The following NSA2 variants were observed in gnomAD, a reference collection of about 807,000 sequenced individuals.
NSA2 encodes the protein NSA2 ribosome biogenesis factor.
Under a neutral mutation model 34.8 loss-of-function variants are expected in NSA2, and 18 were observed. The ratio of observed to expected loss-of-function variants is 0.52; its 90% CI spans 0.36 to 0.77. NSA2 has a LOEUF of 0.77. NSA2 is among the 30% of genes least tolerant of loss of function. NSA2 has a pLI of 0.00. For missense variants in NSA2, 188 were observed against 314.7 expected (o/e 0.60, Z 3.05); for synonymous variants, 79 against 100.2 (o/e 0.79, Z 1.26).
At chr5:74,768,669 G>T (rs977624136) in intron 1 of NSA2, among the ~76,000 whole-genome samples, 5 of 152,192 alleles carry the variant, frequency 3.3e-5, no homozygotes, top group African/African-American at 1.2e-4. Flanking sequence ...AAAAGATACT[G>T]TAATCAGTTC....
In NSA2 at chr5:74,769,215, A is replaced by C; in HGVS notation, c.193A>C (p.Ile65Leu). Reference protein sequence around the residue: ...HAEKIQMKKTIKMHEKRNTKQ... With the variant: ...HAEKIQMKKTLKMHEKRNTKQ... ...TGAATCTTTTTTCCTTCTTGGTAGT[A>C]TCAAGATGCATGAAAAGAGAAACAC... The change falls in exon 3 of 6, where the codon ATC (isoleucine) becomes CTC (leucine). Residue 65 changes from isoleucine to leucine, a missense_variant and splice_region_variant. By Grantham distance (5) the Ile-to-Leu change is conservative. Transcript: ENST00000610426. 1 of 1,605,134 alleles carries C rather than the reference A, an allele frequency of 6.2e-7. No homozygotes were observed. Among genetic ancestry groups the C allele is most frequent in the Non-Finnish European group, 8.5e-7 (1 of 1,177,864 alleles).
At chr5:74,772,591 C>T (rs1392708285) in intron 4 of NSA2, among the ~76,000 whole-genome samples, 2 of 152,128 alleles carry the variant, frequency 1.3e-5, no homozygotes, top group African/African-American at 4.8e-5. Flanking sequence ...AAGTGTTTAC[C>T]TATTGGGTTC....
chr5:74,771,835 C>G (rs1580054184), intron 4 of NSA2, among the ~76,000 whole-genome samples: 1 of 119,202 alleles, frequency 8.4e-6, no homozygotes, highest in African/African-American at 3.0e-5. Flanking sequence ...GCCTGGGGGA[C>G]AGAGCAAGAT....
chr5:74,773,182 A>AG (rs1745000337), intron 4 of NSA2, among the ~76,000 whole-genome samples: 2 of 152,230 alleles, frequency 1.3e-5, no homozygotes, highest in South Asian at 4.1e-4. Context: ...AACAGAGGAG[A>AG]GGGGATGTGT....
chr5:74,769,727 A>AAT (rs1210269339), intron 3 of NSA2, among the ~76,000 whole-genome samples: 2 of 152,228 alleles, frequency 1.3e-5, no homozygotes, highest in Non-Finnish European at 2.9e-5. Flanking sequence ...TAAAAAGTAG[A>AAT]ATGGTGGAAA....
At chr5:74,770,944 T>C (rs1314984747) in intron 4 of NSA2, 134 bp downstream of exon 4, 1 of 759,574 alleles carries the variant, frequency 1.3e-6, no homozygotes. Context: ...CAATTTTTGT[T>C]ATTTTATTGA....
intron 5 of NSA2, among the ~76,000 whole-genome samples, 166 bp downstream of exon 5, chr5:74,774,226 G>A (rs1255796340): frequency 6.6e-6 from 1 of 152,118 alleles, no homozygotes; most frequent in Non-Finnish European, 1.5e-5. Context: ...TATAGAAAAA[G>A]TTGTTATAAA....
Position 74,778,642 on chromosome 5 carries a change from A to T in NSA2, c.*1971A>T, listed in dbSNP as rs896186430. ...CTCTCACCTTTAAAAGTTGTAGAGG[A>T]GCTTTATAATAAATTCTTAAATATA... On this transcript the variant is annotated 3_prime_UTR_variant, in exon 6 of 6. Transcript: ENST00000610426. 5 of 152,068 alleles carry T rather than the reference A, an allele frequency of 3.3e-5. No homozygotes were observed. Among genetic ancestry groups the T allele is most frequent in the Non-Finnish European group, 7.4e-5 (5 of 67,916 alleles). The allele number at this position is 152,068 out of a possible 1,614,324, so 9.4% of individuals were successfully genotyped here.
Position 74,778,653 on chromosome 5 carries a change from A to T in NSA2, c.*1982A>T, listed in dbSNP as rs1343769575. The T allele has an allele frequency of 6.6e-6, 1 of 152,116 alleles. No homozygotes were observed. Among genetic ancestry groups the T allele is most frequent in the East Asian group, 1.9e-4 (1 of 5,194 alleles). The allele number at this position is 152,116 out of a possible 1,614,324, so 9.4% of individuals were successfully genotyped here. A position where few individuals can be genotyped will look rare whatever the true frequency, so the allele number is the denominator to read the frequency against. On this transcript the variant is annotated 3_prime_UTR_variant, in exon 6 of 6. Coordinates refer to ENST00000610426, the MANE Select transcript of NSA2 (RefSeq NM_014886.6). The stretch of plus-strand genomic sequence containing the variant: ...AAAAGTTGTAGAGGAGCTTTATAAT[A>T]AATTCTTAAATATACTAATTTCTGT...
intron 4 of NSA2, among the ~76,000 whole-genome samples, chr5:74,772,379 A>G (rs1225603767): frequency 1.3e-5 from 2 of 152,100 alleles, no homozygotes; most frequent in African/African-American, 2.4e-5. Context: ...TTAGCCTCCC[A>G]AAGTGTTGGA....
intron 1 of NSA2, among the ~76,000 whole-genome samples, 188 bp from the exon 2 acceptor site, chr5:74,768,743 C>G (rs1448754564): frequency 1.3e-5 from 2 of 152,154 alleles, no homozygotes; most frequent in Non-Finnish European, 2.9e-5. Context: ...GATGTAAGCC[C>G]TGATGCCTCA....
intron 4 of NSA2, among the ~76,000 whole-genome samples, chr5:74,772,333 A>G (rs1249312961): frequency 6.6e-6 from 1 of 152,076 alleles, no homozygotes; most frequent in Non-Finnish European, 1.5e-5. Flanking sequence ...TCACCGTGTT[A>G]GCCAGGATGG....
chr5:74,769,143 TAAC>T (rs777744066), intron 2 of NSA2, 25 bp downstream of exon 2: 1 of 1,595,830 alleles, frequency 6.3e-7, no homozygotes, highest in Admixed American at 1.8e-5. Flanking sequence ...TTATTTGTCA[TAAC>T]AAGTTAACAT....
chr5:74,775,457 A>G (rs1171009494), intron 5 of NSA2, among the ~76,000 whole-genome samples: 2 of 151,804 alleles, frequency 1.3e-5, no homozygotes, highest in African/African-American at 4.8e-5. Context: ...TCTACTAAAA[A>G]TACAAAACAA....
Position 74,773,929 on chromosome 5 carries a change from C to T in NSA2, c.584C>T (p.Pro195Leu). 1.2e-6 allele frequency: 2 copies of T among 1,613,908 alleles called. No individual in the cohort carries two copies. The highest frequency in any genetic ancestry group is 2.2e-5 in the East Asian group (1 of 44,874). Residue 195 changes from proline (P) to leucine (L), a missense_variant, in exon 5 of 6, where the codon CCA becomes CTA. Pro to Leu is a moderately conservative substitution (Grantham distance 98). Coordinates refer to ENST00000610426, the MANE Select transcript of NSA2 (RefSeq NM_014886.6). ...GAACTGAAAGCCACCTTTTGCCTAC[C>T]AATACTTGGTGTAAAGAAGAATCCC... ...HPELKATFCL[P>L]ILGVKKNPSS...
intron 5 of NSA2, 111 bp downstream of exon 5, chr5:74,774,171 C>A: frequency 1.1e-5 from 7 of 614,704 alleles, no homozygotes; most frequent in South Asian, 2.9e-5. Context: ...TGCAGTAGAG[C>A]TAAAACACTG....
chr5:74,770,912 C>A, intron 4 of NSA2, 102 bp downstream of exon 4: 1 of 917,998 alleles, frequency 1.1e-6, no homozygotes, highest in Non-Finnish European at 1.6e-6. Context: ...TGATGTGGAA[C>A]AGGTTGAAAG....
chr5:74,779,149 C>G lies in NSA2; in HGVS notation c.*2478C>G, dbSNP rs1745281231. Reference sequence around the variant, plus strand: ...TGTTTACAATTCACTTACTATTTAACCCAAACAAGTTTAACAAGAATAAGT... The same window carrying G: ...TGTTTACAATTCACTTACTATTTAAGCCAAACAAGTTTAACAAGAATAAGT... On this transcript the variant is annotated 3_prime_UTR_variant, in exon 6 of 6. Coordinates refer to ENST00000610426, the MANE Select transcript of NSA2 (RefSeq NM_014886.6). 6.6e-6 allele frequency: 1 copy of G among 152,058 alleles called. No individual in the cohort carries two copies. The highest frequency in any genetic ancestry group is 2.1e-4 in the South Asian group (1 of 4,832). 9.4% of individuals were successfully genotyped at this position (152,058 alleles called of 1,614,324 possible).
chr5:74,778,797 T>G lies in NSA2; in HGVS notation c.*2126T>G, dbSNP rs1254136619. On this transcript the variant is annotated 3_prime_UTR_variant, in exon 6 of 6. Transcript: ENST00000610426. ...ATAAAAAGTGAACTCCCTTCACAAA[T>G]AAGTTCACAAAGGACTATGTGTAAT... is the stretch of plus-strand genomic sequence containing the variant. 6.6e-6 allele frequency: 1 copy of G among 152,064 alleles called. No homozygotes were observed. The highest frequency in any genetic ancestry group is 6.5e-5 in the Admixed American group (1 of 15,268). 9.4% of individuals were successfully genotyped at this position (152,064 alleles called of 1,614,324 possible).
Sources: gnomAD v4.1 joint callset for allele counts (sites outside exome capture counted in the v4.1 genomes callset) on GRCh38, gnomAD v4.1.1 for gene constraint, MANE v1.5 for transcripts, NCBI Gene and HGNC (gene_info 2026-07-23, HGNC 2026-07-21) for gene names.